TENM3: variants seen among roughly 807,000 people sequenced by gnomAD.
The protein encoded by TENM3 is teneurin transmembrane protein 3, also known as teneurin-3.
In TENM3, 63 loss-of-function variants were observed where a neutral mutation model predicts 255.1. The ratio of observed to expected loss-of-function variants is 0.25; its 90% CI spans 0.20 to 0.30. The LOEUF is 0.30. Ranked by LOEUF, TENM3 falls within the 10% of genes least tolerant of loss-of-function variation. The pLI is 1.00. For missense variants in TENM3, 2,929 were observed against 3,461.1 expected, an observed-to-expected ratio of 0.85 and a Z score of 3.86; for synonymous variants, 1,306 against 1,322.3, an observed-to-expected ratio of 0.99 and a Z score of 0.27.
At chr4:181,611,933 A>C in the TENM3 span, among the ~76,000 whole-genome samples, 1 of 152,274 alleles carries the variant, frequency 6.6e-6, no homozygotes, top group African/African-American at 2.4e-5. Context: ...GCATTTTGCC[A>C]TCAGATCCCA....
At chr4:182,398,812 G>A (rs190725865) in intron 3 of TENM3, among the ~76,000 whole-genome samples, 63 of 152,302 alleles carry the variant, frequency 4.1e-4, no homozygotes, top group Non-Finnish European at 1.9e-4. Flanking sequence ...CATTTGGTAA[G>A]GTCTTTTTGA....
chr4:182,730,330 C>T lies in TENM3; in HGVS notation c.2705+11C>T, dbSNP rs368740598. On this transcript the variant is annotated intron_variant, in intron 15 of 27. Coordinates refer to ENST00000511685, the MANE Select transcript of TENM3 (RefSeq NM_001080477.4). ...CCGCCAGGACGGAATGTGAGTTAGT[C>T]CCATCACACTATCTCTGAAGGATTT... 2.5e-6 allele frequency: 4 copies of T among 1,613,114 alleles called. No individual in the cohort carries two copies. In the Admixed American group the frequency reaches 6.7e-5, roughly 27 times the overall value.
the TENM3 span, among the ~76,000 whole-genome samples, chr4:181,836,781 CAA>C: frequency 1.3e-5 from 2 of 152,234 alleles, no homozygotes; most frequent in African/African-American, 4.8e-5. Flanking sequence ...ATTAATGTGT[CAA>C]GTTATAAAAT....
chr4:182,771,751 G>T (rs1470210693), intron 22 of TENM3, among the ~76,000 whole-genome samples: 1 of 152,170 alleles, frequency 6.6e-6, no homozygotes, highest in African/African-American at 2.4e-5. Context: ...CTTCAAAAAA[G>T]CGATCACAGC....
intron 3 of TENM3, among the ~76,000 whole-genome samples, chr4:182,538,070 T>C (rs973131846): frequency 6.6e-6 from 1 of 152,226 alleles, no homozygotes; most frequent in Non-Finnish European, 1.5e-5. Flanking sequence ...ATTGAATGCT[T>C]AAATATATAC....
the TENM3 span, among the ~76,000 whole-genome samples, chr4:182,057,767 C>T: frequency 6.6e-6 from 1 of 151,992 alleles, no homozygotes; most frequent in South Asian, 2.1e-4. Flanking sequence ...CGACTGACCT[C>T]GTGAGGTAAT....
the TENM3 span, among the ~76,000 whole-genome samples, chr4:182,043,820 C>T: frequency 6.6e-6 from 1 of 152,094 alleles, no homozygotes; most frequent in African/African-American, 2.4e-5. Context: ...AGCCCATTGG[C>T]GATGAGATTC....
At chr4:182,456,563 C>T (rs963551661) in intron 3 of TENM3, among the ~76,000 whole-genome samples, 5 of 152,146 alleles carry the variant, frequency 3.3e-5, no homozygotes, top group Non-Finnish European at 7.3e-5. Flanking sequence ...AAAATGTTAA[C>T]TTACATGTAC....
In TENM3 at chr4:182,352,042, T is replaced by C. The variant is rs151317037; in HGVS notation, c.511+5113T>C. On this transcript the variant is annotated intron_variant, in intron 3 of 27. Coordinates refer to ENST00000511685, the MANE Select transcript of TENM3 (RefSeq NM_001080477.4). ...AGTTAAATAAACAATATCAAGTGCC[T>C]ACCTAGTTTGGACTAGGTAGATATC... 3.3e-3 allele frequency among the ~76,000 whole-genome samples: 497 copies of C among 152,258 alleles called. 2 individuals carry two copies. The highest frequency in any genetic ancestry group is 5.5e-3 in the Non-Finnish European group (371 of 68,026).
At chr4:182,026,773 T>C in the TENM3 span, among the ~76,000 whole-genome samples, 1 of 152,056 alleles carries the variant, frequency 6.6e-6, no homozygotes, top group East Asian at 1.9e-4. Context: ...TTACTGGAGG[T>C]GTGTGGATTT....
intron 26 of TENM3, among the ~76,000 whole-genome samples, chr4:182,795,056 G>A (rs1351583079): frequency 6.6e-6 from 1 of 151,978 alleles, no homozygotes; most frequent in African/African-American, 2.4e-5. Flanking sequence ...ATACTGAGAT[G>A]TCTGTTCTCT....
At chr4:181,651,424 C>G in the TENM3 span, among the ~76,000 whole-genome samples, 1 of 152,020 alleles carries the variant, frequency 6.6e-6, no homozygotes, top group South Asian at 2.1e-4. Flanking sequence ...CCTGTCTCTA[C>G]TAATAGTACA....
intron 3 of TENM3, among the ~76,000 whole-genome samples, chr4:182,537,974 T>C (rs1280496369): frequency 2.6e-5 from 4 of 152,224 alleles, no homozygotes; most frequent in Non-Finnish European, 5.9e-5. Flanking sequence ...TTAACTGTTT[T>C]TATTAAGTGA....
Position 182,572,510 on chromosome 4 carries a change from A to G in TENM3, c.512-28414A>G, listed in dbSNP as rs147469666. On this transcript the variant is annotated intron_variant, in intron 3 of 27. Transcript: ENST00000511685. ...CATTTAATTAATAGTACATTAAGAAATGCAGTAGCCTTGAAGAATTCCACA... is the reference window on the plus strand; with the variant it reads ...CATTTAATTAATAGTACATTAAGAAGTGCAGTAGCCTTGAAGAATTCCACA... 2.7e-3 allele frequency among the ~76,000 whole-genome samples: 413 copies of G among 152,332 alleles called. 1 individual carries two copies. Among genetic ancestry groups the G allele is most frequent in the African/African-American group, 9.1e-3 (380 of 41,586 alleles).
At chr4:182,202,497 G>A (rs528952816) in intron 1 of TENM3, among the ~76,000 whole-genome samples, 4 of 152,066 alleles carry the variant, frequency 2.6e-5, no homozygotes, top group Non-Finnish European at 4.4e-5. Flanking sequence ...TAGAGACGGG[G>A]TTTCTCCATG....
intron 3 of TENM3, among the ~76,000 whole-genome samples, chr4:182,523,165 T>G (rs28490177): frequency 0.011 from 1,737 of 151,552 alleles, 34 homozygotes; most frequent in African/African-American, 0.04. Flanking sequence ...TTTTTTGTTT[T>G]TGTGTGTGTG....
chr4:182,732,085 T>C (rs950202101), intron 16 of TENM3, among the ~76,000 whole-genome samples: 2 of 152,148 alleles, frequency 1.3e-5, no homozygotes, highest in African/African-American at 4.8e-5. Context: ...CCGGCCTTTC[T>C]AGTTATTTCT....
At chr4:181,599,393 G>A in the TENM3 span, among the ~76,000 whole-genome samples, 1 of 152,196 alleles carries the variant, frequency 6.6e-6, no homozygotes, top group African/African-American at 2.4e-5. Context: ...GATGGTTAAG[G>A]AGGGCAAACA....
chr4:182,746,709 G>T (rs553765388), intron 19 of TENM3, among the ~76,000 whole-genome samples: 1 of 152,196 alleles, frequency 6.6e-6, no homozygotes, highest in East Asian at 1.9e-4. Flanking sequence ...AGCTGTTGCA[G>T]CTTGAGATGC....
Sources: gnomAD v4.1 joint callset for allele counts (sites outside exome capture counted in the v4.1 genomes callset) on GRCh38, gnomAD v4.1.1 for gene constraint, MANE v1.5 for transcripts, NCBI Gene and HGNC (gene_info 2026-07-23, HGNC 2026-07-21) for gene names.